PDHX: variants seen among roughly 807,000 people sequenced by gnomAD.
PDHX encodes the protein pyruvate dehydrogenase protein X component, mitochondrial.
A neutral mutation model predicts 55.3 loss-of-function variants in PDHX; 33 were observed. The observed-to-expected ratio is 0.60, with a 90% CI of 0.45 to 0.80. The LOEUF is 0.80. Among genes scored for constraint, PDHX ranks in the 30% least tolerant of loss-of-function variants. PDHX has a pLI of 0.00. For synonymous variants in PDHX, 226 were observed against 219.4 expected (o/e 1.03, Z -0.27); for missense variants, 622 against 619.9 (o/e 1.00, Z -0.04).
intron 1 of PDHX, among the ~76,000 whole-genome samples, chr11:34,928,429 T>C (rs1240195512): frequency 6.6e-6 from 1 of 151,926 alleles, no homozygotes; most frequent in African/African-American, 2.4e-5. Context: ...CGTGGTGCTA[T>C]TTAAAAGATA....
rs3818401 is a variant in PDHX, at chr11:34,916,652, C to A, written c.-4C>A. On this transcript the variant is annotated 5_prime_UTR_variant, in exon 1 of 11. Coordinates refer to ENST00000227868, the MANE Select transcript of PDHX (RefSeq NM_003477.3). The stretch of plus-strand genomic sequence containing the variant: ...TGCGGGCAGCCAGTGAGAAGGCCGT[C>A]AAGATGGCGGCCTCCTGGAGGCTGG... 6.2e-7 allele frequency: 1 copy of A among 1,607,400 alleles called. No homozygotes were observed. The highest frequency in any genetic ancestry group is 1.3e-5 in the African/African-American group (1 of 74,810).
chr11:34,916,474 G>T, upstream of PDHX: 1 of 1,458,566 alleles, frequency 6.9e-7, no homozygotes. Context: ...CGGCGCACCT[G>T]ACTTCCCGGG....
chr11:34,939,504 T>TGTGCGCGC (rs1491574898), intron 2 of PDHX, among the ~76,000 whole-genome samples: 2 of 148,406 alleles, frequency 1.3e-5, no homozygotes, highest in Admixed American at 6.7e-5. Context: ...TGTGTGTGTG[T>TGTGCGCGC]GCACTTGCAT....
chr11:34,985,297 T>C (rs1423777296), intron 9 of PDHX, among the ~76,000 whole-genome samples: 1 of 152,058 alleles, frequency 6.6e-6, no homozygotes, highest in Non-Finnish European at 1.5e-5. Context: ...GAAAATTAGC[T>C]GAGTGTGGTG....
chr11:34,916,344 A>G (rs761405893), upstream of PDHX: 2 of 1,595,240 alleles, frequency 1.3e-6, no homozygotes, highest in Non-Finnish European at 1.7e-6. Flanking sequence ...CGCGGCGCTT[A>G]GCCTGGGATA....
chr11:34,938,001 T>C (rs1854375640), intron 2 of PDHX, among the ~76,000 whole-genome samples: 1 of 152,198 alleles, frequency 6.6e-6, no homozygotes, highest in Non-Finnish European at 1.5e-5. Context: ...CTTCAGTTAA[T>C]TGGAATTACA....
At chr11:34,922,614 A>C (rs1293177235) in intron 1 of PDHX, among the ~76,000 whole-genome samples, 2 of 152,180 alleles carry the variant, frequency 1.3e-5, no homozygotes, top group Non-Finnish European at 2.9e-5. Flanking sequence ...AAAAAAATGA[A>C]ATCAGACATA....
intron 1 of PDHX, among the ~76,000 whole-genome samples, chr11:34,918,936 C>G (rs758346981): frequency 8.5e-5 from 13 of 152,228 alleles, no homozygotes; most frequent in Non-Finnish European, 1.9e-4. Context: ...CTGCCACTTA[C>G]AAGGACCCTT....
intron 9 of PDHX, among the ~76,000 whole-genome samples, chr11:34,990,910 C>G (rs1432973352): frequency 6.6e-6 from 1 of 152,046 alleles, no homozygotes; most frequent in Non-Finnish European, 1.5e-5. Flanking sequence ...GCCTATGTTG[C>G]CTATGTAATA....
At chr11:34,931,541 G>GTT (rs563380006) in intron 2 of PDHX, 57 bp downstream of exon 2, 58,765 of 680,526 alleles carry the variant, frequency 0.086, 2 homozygotes, top group East Asian at 0.11. Context: ...ATTTTGTTTT[G>GTT]TTTTTTTTTT....
chr11:34,941,273 G>C (rs1322427943), intron 2 of PDHX, among the ~76,000 whole-genome samples: 1 of 152,086 alleles, frequency 6.6e-6, no homozygotes, highest in Non-Finnish European at 1.5e-5. Flanking sequence ...CACTGACTAG[G>C]GGTCCCTCCT....
At chr11:34,969,912 T>G (rs1039056993) in intron 6 of PDHX, among the ~76,000 whole-genome samples, 1 of 152,162 alleles carries the variant, frequency 6.6e-6, no homozygotes. Flanking sequence ...AAACATGAAT[T>G]TTATTACTTT....
At chr11:34,933,492 A>G (rs150688752) in intron 2 of PDHX, among the ~76,000 whole-genome samples, 4 of 152,320 alleles carry the variant, frequency 2.6e-5, no homozygotes, top group Non-Finnish European at 4.4e-5. Flanking sequence ...AGATAATATC[A>G]TTGGAAACTT....
chr11:34,943,997 T>A (rs1590741313), intron 2 of PDHX, among the ~76,000 whole-genome samples: 1 of 151,664 alleles, frequency 6.6e-6, no homozygotes, highest in African/African-American at 2.4e-5. Context: ...ATCTTTGCTG[T>A]TATTACTGTC....
At chr11:34,949,398 C>T (rs368087898) in intron 3 of PDHX, among the ~76,000 whole-genome samples, 2 of 133,836 alleles carry the variant, frequency 1.5e-5, no homozygotes, top group East Asian at 2.0e-4. Context: ...TGCCACCACA[C>T]TCAGCTAATT....
intron 3 of PDHX, among the ~76,000 whole-genome samples, chr11:34,954,535 T>A (rs1465181915): frequency 6.6e-6 from 1 of 152,200 alleles, no homozygotes; most frequent in African/African-American, 2.4e-5. Flanking sequence ...TCACAGACCT[T>A]ACTACCCATT....
At chr11:34,931,093 C>T (rs1854151828) in intron 1 of PDHX, among the ~76,000 whole-genome samples, 1 of 152,020 alleles carries the variant, frequency 6.6e-6, no homozygotes, top group Non-Finnish European at 1.5e-5. Flanking sequence ...AAACCTAAAT[C>T]AATCCTAAAT....
intron 2 of PDHX, among the ~76,000 whole-genome samples, chr11:34,934,724 A>G (rs1854266107): frequency 6.6e-6 from 1 of 151,444 alleles, no homozygotes; most frequent in South Asian, 2.1e-4. Context: ...GACCACAGGC[A>G]TGCGCCACCA....
At chr11:34,936,793 T>C (rs28475621) in intron 2 of PDHX, among the ~76,000 whole-genome samples, 1,365 of 29,774 alleles carry the variant, frequency 0.046, 25 homozygotes, top group Middle Eastern at 0.08. Flanking sequence ...CTTTTTTTTT[T>C]TTTTTTTTTT....
Sources: gnomAD v4.1 joint callset for allele counts (sites outside exome capture counted in the v4.1 genomes callset) on GRCh38, gnomAD v4.1.1 for gene constraint, MANE v1.5 for transcripts, NCBI Gene and HGNC (gene_info 2026-07-23, HGNC 2026-07-21) for gene names.